The following CALN1 variants were observed in gnomAD, a reference collection of about 807,000 sequenced individuals.
CALN1 encodes calneuron 1.
CALN1 carries 17 observed loss-of-function variants against 30.6 expected under a neutral mutation model. That is an observed-to-expected ratio of 0.56 (90% CI 0.38 to 0.83). The LOEUF is 0.83. Ranked by LOEUF, CALN1 falls within the 40% of genes least tolerant of loss-of-function variation. The pLI, the probability that CALN1 is intolerant of heterozygous loss-of-function variation, is 0.00. For synonymous variants in CALN1, 156 were observed against 131.4 expected (o/e 1.19, Z -1.28); for missense variants, 291 against 354.9 (o/e 0.82, Z 1.45).
intron 3 of CALN1, among the ~76,000 whole-genome samples, chr7:72,275,282 C>CA (rs1008024987): frequency 1.3e-5 from 2 of 152,106 alleles, no homozygotes; most frequent in Non-Finnish European, 2.9e-5. Context: ...TGAGTGCCCC[C>CA]AACCAGCAGA....
At chr7:72,192,777 A>G (rs1051347794) in intron 3 of CALN1, among the ~76,000 whole-genome samples, 3 of 148,996 alleles carry the variant, frequency 2.0e-5, no homozygotes, top group Admixed American at 6.7e-5. Context: ...AGCATTAGGT[A>G]TATCTCCCGA....
intron 3 of CALN1, among the ~76,000 whole-genome samples, chr7:72,206,593 TTG>T (rs1791906532): frequency 6.6e-6 from 1 of 152,188 alleles, no homozygotes; most frequent in African/African-American, 2.4e-5. Flanking sequence ...TTTCCCTTTA[TTG>T]TGTTTATTCT....
At chr7:71,905,781 A>C (rs1794101402) in intron 5 of CALN1, among the ~76,000 whole-genome samples, 1 of 152,142 alleles carries the variant, frequency 6.6e-6, no homozygotes, top group African/African-American at 2.4e-5. Context: ...TAACACTGTG[A>C]AATTGTATTA....
At chr7:72,479,970 T>G in the CALN1 span, among the ~76,000 whole-genome samples, 1 of 152,264 alleles carries the variant, frequency 6.6e-6, no homozygotes, top group African/African-American at 2.4e-5. Flanking sequence ...TCCATTCCAT[T>G]GACACTTTTG....
chr7:72,369,938 G>C (rs189590700), intron 2 of CALN1, among the ~76,000 whole-genome samples: 1 of 152,188 alleles, frequency 6.6e-6, no homozygotes, highest in African/African-American at 2.4e-5. Flanking sequence ...AGTCATGTTT[G>C]AGTCTTTCTA....
chr7:72,353,371 G>C (rs999494908), intron 2 of CALN1, among the ~76,000 whole-genome samples: 1 of 152,218 alleles, frequency 6.6e-6, no homozygotes, highest in African/African-American at 2.4e-5. Context: ...AAAAGGATAA[G>C]ACATCTTGAC....
chr7:72,469,083 C>A, the CALN1 span, among the ~76,000 whole-genome samples: 1 of 151,982 alleles, frequency 6.6e-6, no homozygotes, highest in Non-Finnish European at 1.5e-5. Context: ...TTCTATTTTT[C>A]TTCTATTACA....
intron 6 of CALN1, among the ~76,000 whole-genome samples, chr7:71,799,721 C>T (rs185888828): frequency 3.3e-5 from 5 of 152,224 alleles, no homozygotes; most frequent in Non-Finnish European, 7.4e-5. Flanking sequence ...AGTGATCCAC[C>T]GGCCTCAACC....
chr7:71,941,056 T>C (rs2903615), intron 5 of CALN1, among the ~76,000 whole-genome samples: 100,471 of 152,044 alleles, frequency 0.66, 33,512 homozygotes, highest in East Asian at 0.84. Context: ...ATCAATATTA[T>C]GAATTTCTGG....
chr7:72,250,675 T>C (rs1381581262), intron 3 of CALN1, among the ~76,000 whole-genome samples: 2 of 152,086 alleles, frequency 1.3e-5, no homozygotes, highest in Admixed American at 6.5e-5. Flanking sequence ...TATTAGTTCA[T>C]GTGGGAGCTG....
chr7:72,202,016 G>A (rs565940385), intron 3 of CALN1, among the ~76,000 whole-genome samples: 1 of 152,296 alleles, frequency 6.6e-6, no homozygotes, highest in East Asian at 1.9e-4. Context: ...GTCTCAGTGG[G>A]AGGAGCAAGC....
At chr7:72,411,177 AAAGC>A (rs1284972463) in intron 1 of CALN1, among the ~76,000 whole-genome samples, 1 of 152,248 alleles carries the variant, frequency 6.6e-6, no homozygotes. Flanking sequence ...TCAAAAGGAA[AAAGC>A]AAAGCAATTC....
At chr7:72,453,514 C>A in the CALN1 span, among the ~76,000 whole-genome samples, 1 of 152,200 alleles carries the variant, frequency 6.6e-6, no homozygotes, top group Non-Finnish European at 1.5e-5. Flanking sequence ...TGGAAAAATG[C>A]TTTAGGTGCC....
chr7:72,030,815 T>C (rs1170866528), intron 4 of CALN1, among the ~76,000 whole-genome samples: 2 of 151,930 alleles, frequency 1.3e-5, no homozygotes, highest in Non-Finnish European at 2.9e-5. Flanking sequence ...GGTGCCATCA[T>C]AGCTCACTGC....
chr7:72,082,713 C>T (rs1758537226), intron 4 of CALN1, among the ~76,000 whole-genome samples: 1 of 152,190 alleles, frequency 6.6e-6, no homozygotes, highest in Admixed American at 6.5e-5. Flanking sequence ...TTTGAAGTTG[C>T]TGTGAACCAA....
intron 2 of CALN1, among the ~76,000 whole-genome samples, chr7:72,283,639 G>A (rs958085897): frequency 2.6e-5 from 4 of 152,258 alleles, no homozygotes; most frequent in Admixed American, 2.0e-4. Context: ...AGGATGCAGG[G>A]GCAACAAGAA....
chr7:72,235,169 G>A (rs1794392047), intron 3 of CALN1, among the ~76,000 whole-genome samples: 1 of 152,070 alleles, frequency 6.6e-6, no homozygotes, highest in African/African-American at 2.4e-5. Context: ...AGCTACTAGG[G>A]AGGCTGAGGT....
chr7:71,977,805 G>A (rs76806180), intron 5 of CALN1, among the ~76,000 whole-genome samples: 220 of 151,868 alleles, frequency 1.4e-3, no homozygotes, highest in African/African-American at 4.8e-3. Flanking sequence ...GGTGGCGGGC[G>A]ACTGTAATCC....
In CALN1 at chr7:71,967,562, G is replaced by T. The variant is rs181765477; in HGVS notation, c.501+56095C>A. Among the ~76,000 whole-genome samples the T allele has an allele frequency of 4.1e-3, 608 of 149,740 alleles. 5 individuals are homozygous for T. The Middle Eastern group carries it at 0.052, about 13-fold the overall frequency. Reference sequence around the variant, plus strand: ...AAAAATCGCTTGAGCCCAAGTCAAGGCTGCAGTGACCCGTGATCGTGTCAC... The same window carrying T: ...AAAAATCGCTTGAGCCCAAGTCAAGTCTGCAGTGACCCGTGATCGTGTCAC... On this transcript the variant is annotated intron_variant, in intron 5 of 6. Transcript: ENST00000395275.
Sources: gnomAD v4.1 joint callset for allele counts (sites outside exome capture counted in the v4.1 genomes callset) on GRCh38, gnomAD v4.1.1 for gene constraint, MANE v1.5 for transcripts, NCBI Gene and HGNC (gene_info 2026-07-23, HGNC 2026-07-21) for gene names.